The following GATAD1 variants were observed in gnomAD, a reference collection of about 807,000 sequenced individuals.
GATAD1 encodes the protein GATA zinc finger domain containing 1.
A neutral mutation model predicts 26.5 loss-of-function variants in GATAD1; 12 were observed. The ratio of observed to expected loss-of-function variants is 0.45; its 90% confidence interval spans 0.29 to 0.73. GATAD1 has a LOEUF of 0.73. Ranked by LOEUF, GATAD1 falls within the 30% of genes least tolerant of loss-of-function variation. GATAD1 has a pLI of 0.10. For missense variants in GATAD1, 266 were observed against 342.1 expected (o/e 0.78, Z 1.75); for synonymous variants, 129 against 133.1 (o/e 0.97, Z 0.21).
At chr7:92,472,447 G>T in the GATAD1 span, 1 of 152,220 alleles carries the variant, frequency 6.6e-6, no homozygotes, top group Non-Finnish European at 1.5e-5. Flanking sequence ...TATGCCACAG[G>T]TTGCAAGCTC....
rs1233803511 is a variant in GATAD1 at position 92,459,918 on chromosome 7, AATTCT to A, written c.*3360_*3364del. On this transcript the variant is annotated 3_prime_UTR_variant, in exon 5 of 5. Coordinates refer to ENST00000287957, the MANE Select transcript of GATAD1 (RefSeq NM_021167.5). ...ATATTAACTTTGGCTGAAACTTTTA[AATTCT>A]ATTGTGAATAGTCAAGTAAAATTTA... Among the ~76,000 whole-genome samples, 4 of 152,346 alleles carry A rather than the reference AATTCT, an allele frequency of 2.6e-5. No homozygotes were observed. The highest frequency in any genetic ancestry group is 7.2e-5 in the African/African-American group (3 of 41,580).
the GATAD1 span, chr7:92,477,997 TG>T: frequency 6.6e-6 from 1 of 152,476 alleles, no homozygotes; most frequent in Admixed American, 6.5e-5. Flanking sequence ...TCCCTCCTGC[TG>T]TGCTCTCAGG....
the GATAD1 span, chr7:92,494,641 AAAC>A: frequency 5.6e-6 from 9 of 1,613,412 alleles, no homozygotes; most frequent in East Asian, 2.2e-5. Context: ...TGGGAAAAAC[AAAC>A]AACATTTCAT....
chr7:92,460,667 G>C (rs1789887185), downstream of GATAD1, among the ~76,000 whole-genome samples: 2 of 151,492 alleles, frequency 1.3e-5, no homozygotes, highest in Admixed American at 1.3e-4. Context: ...AGTAGCTCAT[G>C]CCTGTAATCC....
At chr7:92,448,042 C>G in intron 1 of GATAD1, 64 bp downstream of exon 1, 1 of 1,161,234 alleles carries the variant, frequency 8.6e-7, no homozygotes, top group Non-Finnish European at 1.1e-6. Flanking sequence ...CGGGGACGGG[C>G]TGGCTGGGAG....
chr7:92,453,828 G>A lies in GATAD1; in HGVS notation c.436-674G>A, dbSNP rs535974033. Reference sequence around the variant, plus strand: ...CTGCAGTCTCTATGGCTTTCAGCAAGCCGTTTAACCTTACTACTGCTTCAT... The same window carrying A: ...CTGCAGTCTCTATGGCTTTCAGCAAACCGTTTAACCTTACTACTGCTTCAT... On this transcript the variant is annotated intron_variant, in intron 3 of 4. Transcript: ENST00000287957. Among the ~76,000 whole-genome samples the A allele has an allele frequency of 3.3e-5, 5 of 152,346 alleles. No individual in the cohort carries two copies. In the South Asian group the frequency reaches 8.3e-4, roughly 25 times the overall value.
At chr7:92,452,259 ATTG>A (rs1325369983) in intron 3 of GATAD1, among the ~76,000 whole-genome samples, 1 of 152,192 alleles carries the variant, frequency 6.6e-6, no homozygotes, top group African/African-American at 2.4e-5. Context: ...GTACTTTCGT[ATTG>A]TTGTCTGCCA....
At chr7:92,448,027 G>A (rs1346370670) in intron 1 of GATAD1, 49 bp downstream of exon 1, 1 of 1,192,550 alleles carries the variant, frequency 8.4e-7, no homozygotes, top group African/African-American at 1.6e-5. Context: ...CAGGTGCTAG[G>A]CGGGCGGGGA....
chr7:92,454,272 T>C (rs1789568344), intron 3 of GATAD1: 3 of 461,544 alleles, frequency 6.5e-6, no homozygotes, highest in Non-Finnish European at 1.1e-5. Context: ...ACAAATCTTT[T>C]CTCCAGATGT....
intron 4 of GATAD1, among the ~76,000 whole-genome samples, chr7:92,455,638 C>T (rs1432936642): frequency 6.6e-6 from 1 of 152,192 alleles, no homozygotes; most frequent in East Asian, 1.9e-4. Context: ...CTGCAGTGAG[C>T]ATGCATCATT....
At chr7:92,493,735 G>C in the GATAD1 span, 1 of 153,744 alleles carries the variant, frequency 6.5e-6, no homozygotes, top group Admixed American at 6.5e-5. Context: ...GTGCCAAGAA[G>C]GTATTTCAAA....
chr7:92,468,825 A>C, the GATAD1 span: 6 of 763,990 alleles, frequency 7.9e-6, no homozygotes, highest in Non-Finnish European at 1.4e-5. Context: ...TTTCCTCAGG[A>C]GGGGTGCCTT....
chr7:92,447,824 A>G lies in GATAD1; in HGVS notation c.95A>G (p.His32Arg), dbSNP rs1789219667. 1 of 1,471,342 alleles carries G rather than the reference A, an allele frequency of 6.8e-7. No individual in the cohort carries two copies. The highest frequency in any genetic ancestry group is 2.5e-5 in the Admixed American group (1 of 40,218). The allele number at this position is 1,471,342 out of a possible 1,614,324, so 91.1% of individuals were successfully genotyped here. A position where few individuals can be genotyped will look rare whatever the true frequency, so the allele number is the denominator to read the frequency against. The change falls in exon 1 of 5, where the codon CAT becomes CGT. Residue 32 changes from histidine (H) to arginine (R), a missense_variant. Transcript: ENST00000287957. Reference sequence around the variant, plus strand: ...GCGCAGGGGGAGATCCTCTGCCATCATTGCACTGGCCGGGGCGGCGCGGGC... The same window carrying G: ...GCGCAGGGGGAGATCCTCTGCCATCGTTGCACTGGCCGGGGCGGCGCGGGC... Reference protein sequence around the residue: ...KGAQGEILCHHCTGRGGAGSG... With the variant: ...KGAQGEILCHRCTGRGGAGSG...
At chr7:92,488,934 G>A in the GATAD1 span, among the ~76,000 whole-genome samples, 2,095 of 152,164 alleles carry the variant, frequency 0.014, 44 homozygotes, top group African/African-American at 0.044. Context: ...GGGTTTCCCC[G>A]TGTTGGTTAG....
chr7:92,451,792 A>G (rs1250016789), intron 3 of GATAD1, among the ~76,000 whole-genome samples: 1 of 152,134 alleles, frequency 6.6e-6, no homozygotes, highest in East Asian at 1.9e-4. Context: ...CATTCAGTTC[A>G]CTCTATGAGG....
At chr7:92,485,105 G>A in the GATAD1 span, among the ~76,000 whole-genome samples, 29 of 152,250 alleles carry the variant, frequency 1.9e-4, no homozygotes, top group East Asian at 1.4e-3. Flanking sequence ...AAGGTTAATC[G>A]CTCAGTTAAG....
intron 3 of GATAD1, among the ~76,000 whole-genome samples, chr7:92,453,595 T>C (rs1007406978): frequency 2.0e-5 from 3 of 152,210 alleles, no homozygotes; most frequent in Admixed American, 1.3e-4. Context: ...GTCTAGGAGA[T>C]GTACAGTAGG....
chr7:92,480,976 A>G, the GATAD1 span, among the ~76,000 whole-genome samples: 1 of 152,232 alleles, frequency 6.6e-6, no homozygotes, highest in Non-Finnish European at 1.5e-5. Context: ...TAGAGTCAGT[A>G]TAAATATTGA....
the GATAD1 span, chr7:92,494,696 C>T: frequency 5.0e-5 from 61 of 1,220,842 alleles, no homozygotes; most frequent in Non-Finnish European, 6.9e-5. Context: ...ATTTCATATA[C>T]ATATATGAAT....
Sources: gnomAD v4.1 joint callset for allele counts (sites outside exome capture counted in the v4.1 genomes callset) on GRCh38, gnomAD v4.1.1 for gene constraint, MANE v1.5 for transcripts, NCBI Gene and HGNC (gene_info 2026-07-23, HGNC 2026-07-21) for gene names.